Variants in ROBO2 observed in about 807,000 individuals in gnomAD.
ROBO2 encodes roundabout guidance receptor 2.
ROBO2 carries 53 observed loss-of-function variants against 160.8 expected under a neutral mutation model. That is an observed-to-expected ratio of 0.33 (90% confidence interval 0.26 to 0.41). The LOEUF (loss-of-function observed/expected upper bound fraction) is 0.41, where lower values mean the gene tolerates loss of function less well. ROBO2 is among the 10% of genes least tolerant of loss of function. ROBO2 has a pLI of 1.00. For missense variants in ROBO2, 1,577 were observed against 1,722.4 expected (o/e 0.92, Z 1.49); for synonymous variants, 664 against 611.7 (o/e 1.09, Z -1.26).
chr3:77,644,559 G>A (rs568395661), intron 24 of ROBO2, 145 bp from the exon 27 acceptor site: 221 of 723,796 alleles, frequency 3.1e-4, no homozygotes, highest in Admixed American at 8.6e-4. Flanking sequence ...TTTAATATCC[G>A]GTCCTGATTA....
chr3:77,317,491 C>G, intron 2 of ROBO2: 1 of 1,502,098 alleles, frequency 6.7e-7, no homozygotes, highest in South Asian at 1.1e-5. Flanking sequence ...CTTGTAAACT[C>G]CGATCCATCC....
At chr3:77,479,882 A>G (rs187626079) in intron 3 of ROBO2, among the ~76,000 whole-genome samples, 1 of 152,258 alleles carries the variant, frequency 6.6e-6, no homozygotes, top group Non-Finnish European at 1.5e-5. Context: ...GTCGGTTCCC[A>G]TGTTGGTCTC....
chr3:77,149,699 A>G (rs1382473056), intron 2 of ROBO2, among the ~76,000 whole-genome samples: 1 of 152,168 alleles, frequency 6.6e-6, no homozygotes, highest in African/African-American at 2.4e-5. Flanking sequence ...GTTGAGCAAC[A>G]GATTTAAGAA....
At chr3:77,620,483 G>C (rs1365295168) in intron 22 of ROBO2, among the ~76,000 whole-genome samples, 1 of 152,152 alleles carries the variant, frequency 6.6e-6, no homozygotes, top group Non-Finnish European at 1.5e-5. Flanking sequence ...AACATTTATA[G>C]CAAGATGTGC....
chr3:77,074,553 G>A (rs2149864328), intron 1 of ROBO2, among the ~76,000 whole-genome samples: 1 of 152,262 alleles, frequency 6.6e-6, no homozygotes, highest in Middle Eastern at 3.4e-3. Flanking sequence ...CCTTTAGGAT[G>A]GAAGAAGAAC....
At chr3:77,230,707 A>T (rs773301291) in intron 2 of ROBO2, among the ~76,000 whole-genome samples, 8 of 152,190 alleles carry the variant, frequency 5.3e-5, no homozygotes, top group Non-Finnish European at 1.2e-4. Flanking sequence ...TGGCTTCCAC[A>T]TTAACTACAC....
At chr3:77,400,917 C>A (rs1173464960) in intron 2 of ROBO2, among the ~76,000 whole-genome samples, 1 of 152,068 alleles carries the variant, frequency 6.6e-6, no homozygotes, top group Non-Finnish European at 1.5e-5. Flanking sequence ...TAATCCTATT[C>A]CTTATTCTGT....
chr3:77,217,070 C>T (rs1288968696), intron 2 of ROBO2, among the ~76,000 whole-genome samples: 1 of 152,170 alleles, frequency 6.6e-6, no homozygotes, highest in East Asian at 1.9e-4. Context: ...CCCATACATG[C>T]AAGGCCCTTA....
At chr3:77,580,191 C>T in intron 16 of ROBO2, 73 bp downstream of exon 17, 3 of 1,380,334 alleles carry the variant, frequency 2.2e-6, no homozygotes, top group South Asian at 1.2e-5. Context: ...TTTGCATCAA[C>T]CTACTAATAG....
At chr3:77,027,613 C>T (rs2063048694) in intron 2 of ROBO2, among the ~76,000 whole-genome samples, 1 of 152,280 alleles carries the variant, frequency 6.6e-6, no homozygotes, top group African/African-American at 2.4e-5. Flanking sequence ...ATCTTTGCCA[C>T]ATTTATGTCA....
At chr3:76,851,591 CGGG>C (rs2069362285) in intron 2 of ROBO2, among the ~76,000 whole-genome samples, 2 of 149,792 alleles carry the variant, frequency 1.3e-5, no homozygotes, top group Non-Finnish European at 3.0e-5. Context: ...AAAAATTAGC[CGGG>C]CGCGGTGGCG....
At chr3:76,205,893 C>T (rs952734935) in intron 2 of ROBO2, among the ~76,000 whole-genome samples, 3 of 152,158 alleles carry the variant, frequency 2.0e-5, no homozygotes, top group African/African-American at 7.2e-5. Flanking sequence ...GCTATACAAG[C>T]ACAGCTAACA....
chr3:76,549,400 G>A (rs1164632051), intron 2 of ROBO2, among the ~76,000 whole-genome samples: 1 of 152,112 alleles, frequency 6.6e-6, no homozygotes. Context: ...AAATTATTAG[G>A]AAAGTGTTGC....
chr3:76,267,345 C>A (rs1269839298), intron 2 of ROBO2, among the ~76,000 whole-genome samples: 2 of 152,128 alleles, frequency 1.3e-5, no homozygotes, highest in African/African-American at 4.8e-5. Flanking sequence ...GAATGCCCTG[C>A]TAGACTTTTA....
chr3:76,150,921 A>G (rs2072172391), intron 2 of ROBO2, among the ~76,000 whole-genome samples: 2 of 152,164 alleles, frequency 1.3e-5, no homozygotes, highest in African/African-American at 4.8e-5. Context: ...AGTACAATGT[A>G]GCACACCATA....
chr3:77,368,951 T>C (rs2071351256), intron 2 of ROBO2, among the ~76,000 whole-genome samples: 1 of 152,192 alleles, frequency 6.6e-6, no homozygotes, highest in African/African-American at 2.4e-5. Flanking sequence ...ATTCGAAAAT[T>C]ATGCATTCAC....
intron 2 of ROBO2, among the ~76,000 whole-genome samples, chr3:76,996,455 G>A (rs2061013231): frequency 6.6e-6 from 1 of 152,240 alleles, no homozygotes; most frequent in East Asian, 1.9e-4. Flanking sequence ...GGTTCCATAT[G>A]AACTTTAAAG....
intron 23 of ROBO2, among the ~76,000 whole-genome samples, chr3:77,625,627 C>G (rs1463429760): frequency 6.6e-6 from 1 of 152,100 alleles, no homozygotes; most frequent in Non-Finnish European, 1.5e-5. Flanking sequence ...CCATCTGCCT[C>G]GGCCTCCCAA....
At chr3:77,580,778 T>C (rs187198359) in intron 16 of ROBO2, among the ~76,000 whole-genome samples, 2 of 152,302 alleles carry the variant, frequency 1.3e-5, no homozygotes, top group East Asian at 3.9e-4. Flanking sequence ...TGTATGAATA[T>C]GCCATATTTT....
Sources: allele counts gnomAD v4.1 joint callset (sites outside exome capture counted in the v4.1 genomes callset), GRCh38; gene constraint gnomAD v4.1.1; transcripts MANE v1.5; gene names NCBI Gene and HGNC (gene_info 2026-07-23, HGNC 2026-07-21).